Variants in MAML2 observed in about 807,000 individuals in gnomAD.
The protein encoded by MAML2 is mastermind-like protein 2.
MAML2 carries 22 observed loss-of-function variants against 96.1 expected under a neutral mutation model. The observed-to-expected ratio is 0.23, with a 90% CI of 0.16 to 0.33. The LOEUF is 0.33. Ranked by LOEUF, MAML2 falls within the 10% of genes least tolerant of loss-of-function variation. MAML2 has a pLI of 1.00. For missense variants in MAML2, 1,367 were observed against 1,392.4 expected, an observed-to-expected ratio of 0.98 and a Z score of 0.29; for synonymous variants, 561 against 521.3, an observed-to-expected ratio of 1.08 and a Z score of -1.04.
At chr11:96,176,621 G>C (rs750713497) in intron 1 of MAML2, among the ~76,000 whole-genome samples, 3 of 152,002 alleles carry the variant, frequency 2.0e-5, no homozygotes, top group African/African-American at 7.3e-5. Context: ...AAATGGAAAA[G>C]GTGAGACCAC....
intron 2 of MAML2, among the ~76,000 whole-genome samples, chr11:96,025,501 C>T (rs1858502736): frequency 6.6e-6 from 1 of 152,206 alleles, no homozygotes; most frequent in African/African-American, 2.4e-5. Context: ...GCATCATATA[C>T]TCTGGTAACA....
At chr11:96,246,858 A>G (rs778846708) in intron 1 of MAML2, among the ~76,000 whole-genome samples, 1 of 152,128 alleles carries the variant, frequency 6.6e-6, no homozygotes, top group Non-Finnish European at 1.5e-5. Flanking sequence ...CGAATGGAGA[A>G]CCACCTCCCT....
intron 2 of MAML2, among the ~76,000 whole-genome samples, chr11:96,010,129 A>G (rs968536216): frequency 1.4e-4 from 22 of 152,172 alleles, no homozygotes; most frequent in African/African-American, 5.3e-4. Flanking sequence ...TATCTTAATT[A>G]TATTACTCCA....
chr11:96,191,479 AAT>A lies in MAML2; in HGVS notation c.514-97964_514-97963del, dbSNP rs200447145. Among the ~76,000 whole-genome samples, 49 of 124,818 alleles carry A rather than the reference AAT, an allele frequency of 3.9e-4. 2 individuals carry two copies. Among genetic ancestry groups the A allele is most frequent in the South Asian group, 1.4e-3 (4 of 2,918 alleles). 81.9% of individuals were successfully genotyped at this position (124,818 alleles called of 152,430 possible). ...GAATCCGTCTCAAAAAAATAACAAT[AAT>A]AAAAAAAAAAAGGGCCGGGAGCGGT... is the stretch of plus-strand genomic sequence containing the variant. On this transcript the variant is annotated intron_variant, in intron 1 of 4. Coordinates refer to ENST00000524717, the MANE Select transcript of MAML2 (RefSeq NM_032427.4).
chr11:96,301,031 A>G (rs907841649), intron 1 of MAML2, among the ~76,000 whole-genome samples: 1 of 152,080 alleles, frequency 6.6e-6, no homozygotes, highest in African/African-American at 2.4e-5. Flanking sequence ...CACAATAAAC[A>G]CTCAATAACT....
chr11:96,003,823 T>C (rs1858135586), intron 2 of MAML2, among the ~76,000 whole-genome samples: 1 of 152,138 alleles, frequency 6.6e-6, no homozygotes, highest in South Asian at 2.1e-4. Flanking sequence ...GGCATTAGAT[T>C]AAATAATATA....
At chr11:96,016,264 G>C (rs1220347284) in intron 2 of MAML2, among the ~76,000 whole-genome samples, 2 of 151,650 alleles carry the variant, frequency 1.3e-5, no homozygotes, top group African/African-American at 4.8e-5. Flanking sequence ...CGTGTACATG[G>C]GGGGAGGGTG....
At chr11:96,147,690 CT>C (rs1860841688) in intron 1 of MAML2, among the ~76,000 whole-genome samples, 1 of 152,196 alleles carries the variant, frequency 6.6e-6, no homozygotes, top group Non-Finnish European at 1.5e-5. Context: ...GGCTAAAACC[CT>C]TCTTGGGCAA....
At chr11:96,254,829 T>C (rs1862638640) in intron 1 of MAML2, among the ~76,000 whole-genome samples, 1 of 152,160 alleles carries the variant, frequency 6.6e-6, no homozygotes, top group Admixed American at 6.5e-5. Context: ...TTATTTTTTA[T>C]TTATTTTTTG....
Position 96,022,285 on chromosome 11 carries a change from A to G in MAML2, c.2140-30562T>C, listed in dbSNP as rs140554149. On this transcript the variant is annotated intron_variant, in intron 2 of 4. Transcript: ENST00000524717. The stretch of plus-strand genomic sequence containing the variant: ...TAGCTCCCGTCCTGAATCTTTCCTG[A>G]GACCCCAGTGCCTGTCCTATAATCA... Among the ~76,000 whole-genome samples the G allele has an allele frequency of 2.7e-3, 416 of 152,294 alleles. 4 individuals carry two copies. The highest frequency in any genetic ancestry group is 9.2e-3 in the African/African-American group (384 of 41,558).
chr11:95,989,219 C>CA (rs761340292), intron 3 of MAML2, among the ~76,000 whole-genome samples: 9 of 152,222 alleles, frequency 5.9e-5, no homozygotes, highest in Admixed American at 2.0e-4. Context: ...CAAATGACCA[C>CA]AAAGCATATG....
intron 1 of MAML2, among the ~76,000 whole-genome samples, chr11:96,108,631 T>C (rs943489069): frequency 7.2e-5 from 11 of 152,136 alleles, no homozygotes; most frequent in Admixed American, 6.5e-4. Flanking sequence ...TTCTGACACA[T>C]AGAAACTGAC....
At chr11:96,254,414 T>C (rs1169123364) in intron 1 of MAML2, among the ~76,000 whole-genome samples, 1 of 146,298 alleles carries the variant, frequency 6.8e-6, no homozygotes, top group Non-Finnish European at 1.5e-5. Flanking sequence ...TTTTTGAACA[T>C]GTAAGCTTGC....
rs760790588 is a variant in MAML2, at chr11:95,979,927, G to T, written c.2492C>A (p.Ala831Asp). The T allele has an allele frequency of 2.0e-5, 32 of 1,613,702 alleles. No individual in the cohort carries two copies. The highest frequency in any genetic ancestry group is 2.6e-5 in the Non-Finnish European group (31 of 1,179,840). Residue 831 changes from alanine to aspartate, a missense_variant, in exon 5 of 5, where the codon GCT (alanine) becomes GAT (aspartate). By Grantham distance (126) the Ala-to-Asp change is moderately radical. Transcript: ENST00000524717. ...GTGTGTTGAAACTGGGTTTGCCAAA[G>T]CCTGGTTAGAGTTTAAGCTTATTGT... is the stretch of plus-strand genomic sequence containing the variant. ...SSTISLNSNQ[A>D]LANPVSTHTI...
chr11:96,304,115 T>C (rs1041440098), intron 1 of MAML2, among the ~76,000 whole-genome samples: 2 of 152,176 alleles, frequency 1.3e-5, no homozygotes, highest in Non-Finnish European at 2.9e-5. Context: ...GTTAAATCTG[T>C]GAAAGCTGCT....
In MAML2 at chr11:96,327,226, G is replaced by A. The variant is rs78720706; in HGVS notation, c.513+14157C>T. Among the ~76,000 whole-genome samples the A allele has an allele frequency of 9.2e-5, 14 of 152,194 alleles. No homozygotes were observed. In the East Asian group the frequency reaches 2.5e-3, roughly 27 times the overall value. ...ATCCAACCCGTGTGGGTTGCTGATG[G>A]GGAAATAAAGAAGCAAAGGAGGGAT... On this transcript the variant is annotated intron_variant, in intron 1 of 4. Transcript: ENST00000524717.
intron 4 of MAML2, among the ~76,000 whole-genome samples, chr11:95,985,103 G>C (rs1197229275): frequency 6.6e-6 from 1 of 152,148 alleles, no homozygotes; most frequent in Non-Finnish European, 1.5e-5. Flanking sequence ...TTGGTGGCAG[G>C]ACCATTTGTC....
intron 1 of MAML2, among the ~76,000 whole-genome samples, chr11:96,300,805 A>G (rs1032900093): frequency 7.9e-5 from 12 of 152,206 alleles, no homozygotes; most frequent in Admixed American, 7.9e-4. Flanking sequence ...GGAGCTGAGG[A>G]TAACCAGGTA....
intron 1 of MAML2, among the ~76,000 whole-genome samples, chr11:96,319,279 A>G (rs1349113612): frequency 1.3e-5 from 2 of 152,204 alleles, no homozygotes; most frequent in African/African-American, 4.8e-5. Flanking sequence ...CTGCAGCCCC[A>G]ACCAGTAGTT....
Sources: allele counts gnomAD v4.1 joint callset (sites outside exome capture counted in the v4.1 genomes callset), GRCh38; gene constraint gnomAD v4.1.1; transcripts MANE v1.5; gene names NCBI Gene and HGNC (gene_info 2026-07-23, HGNC 2026-07-21).